LIMK2: variants seen among roughly 807,000 people sequenced by gnomAD.
The protein encoded by LIMK2 is LIM domain kinase 2.
In LIMK2, 35 loss-of-function variants were observed where a neutral mutation model predicts 75.7. That is an observed-to-expected ratio of 0.46 (90% CI 0.35 to 0.61). LIMK2 has a LOEUF of 0.61. LIMK2 is among the 20% of genes least tolerant of loss of function. LIMK2 has a pLI of 0.00. For missense variants in LIMK2, 623 were observed against 831.0 expected, an observed-to-expected ratio of 0.75 and a Z score of 3.08; for synonymous variants, 301 against 319.2, an observed-to-expected ratio of 0.94 and a Z score of 0.61.
chr22:31,224,389 T>C (rs1297950610), intron 1 of LIMK2, among the ~76,000 whole-genome samples: 1 of 152,174 alleles, frequency 6.6e-6, no homozygotes, highest in Non-Finnish European at 1.5e-5. Context: ...ACAAAGACTT[T>C]CCTGGTTCCC....
chr22:31,214,781 A>G (rs2048376425), intron 1 of LIMK2, among the ~76,000 whole-genome samples: 1 of 152,028 alleles, frequency 6.6e-6, no homozygotes, highest in African/African-American at 2.4e-5. Flanking sequence ...TGGGAGGTCA[A>G]TATGGTTTTT....
At chr22:31,234,341 CA>C (rs1049235510) in intron 2 of LIMK2, among the ~76,000 whole-genome samples, 1 of 139,896 alleles carries the variant, frequency 7.1e-6, no homozygotes, top group Non-Finnish European at 1.5e-5. Context: ...AAAAAAAAAA[CA>C]AAAAAAAACT....
chr22:31,237,427 G>A (rs2048588556), intron 2 of LIMK2, among the ~76,000 whole-genome samples: 1 of 151,812 alleles, frequency 6.6e-6, no homozygotes, highest in Non-Finnish European at 1.5e-5. Context: ...AGCCAGGCAC[G>A]ATGGCAGGCA....
At chr22:31,217,608 T>C (rs1408849471) in intron 1 of LIMK2, among the ~76,000 whole-genome samples, 1 of 152,236 alleles carries the variant, frequency 6.6e-6, no homozygotes, top group Non-Finnish European at 1.5e-5. Context: ...GTAGTTTTTT[T>C]CCTCTATCAT....
Position 31,212,344 on chromosome 22 carries a change from TA to T in LIMK2, c.-64del. ...CGGCGGCAGGAGCTGAGGGGAGTTGTAGGGAACTGAGGGGAGCTGCTGTGTC... is the reference window on the plus strand; with the variant it reads ...CGGCGGCAGGAGCTGAGGGGAGTTGTGGGAACTGAGGGGAGCTGCTGTGTC... On this transcript the variant is annotated 5_prime_UTR_variant, in exon 1 of 16. Transcript: ENST00000331728. 3 of 1,317,030 alleles carry T rather than the reference TA, an allele frequency of 2.3e-6. No homozygotes were observed. The highest frequency in any genetic ancestry group is 2.9e-6 in the Non-Finnish European group (3 of 1,023,984). 81.6% of individuals were successfully genotyped at this position (1,317,030 alleles called of 1,614,324 possible).
chr22:31,215,278 T>G (rs1226234908), intron 1 of LIMK2, among the ~76,000 whole-genome samples: 1 of 152,244 alleles, frequency 6.6e-6, no homozygotes, highest in Non-Finnish European at 1.5e-5. Flanking sequence ...GGACTTAAAC[T>G]TTCACTTGTT....
At chr22:31,213,505 G>C (rs533988407) in intron 1 of LIMK2, among the ~76,000 whole-genome samples, 1 of 152,332 alleles carries the variant, frequency 6.6e-6, no homozygotes, top group South Asian at 2.1e-4. Context: ...TTGAATGCAA[G>C]GACTGGGCTA....
chr22:31,228,021 C>T lies in LIMK2; in HGVS notation c.116+2202C>T, dbSNP rs200270260. 1.1e-4 allele frequency among the ~76,000 whole-genome samples: 16 copies of T among 147,632 alleles called. No homozygotes were observed. The South Asian group carries it at 1.9e-3, about 18-fold the overall frequency. The stretch of plus-strand genomic sequence containing the variant: ...TGCTAGCTTGTTAGCTCTGTGCGTG[C>T]GTGTGTGTGTGTGTGTGTGTGTGTG... On this transcript the variant is annotated intron_variant, in intron 2 of 15. Coordinates refer to ENST00000331728, the MANE Select transcript of LIMK2 (RefSeq NM_005569.4).
chr22:31,273,626 G>C, intron 14 of LIMK2, 119 bp downstream of exon 14: 1 of 775,460 alleles, frequency 1.3e-6, no homozygotes, highest in Admixed American at 2.0e-5. Context: ...CATGGGTGTA[G>C]GGTTTTATGG....
intron 2 of LIMK2, among the ~76,000 whole-genome samples, chr22:31,240,482 G>A (rs1308583614): frequency 2.0e-5 from 3 of 150,078 alleles, no homozygotes; most frequent in African/African-American, 7.4e-5. Context: ...GGAGTGCAGT[G>A]GCACAATCTC....
chr22:31,276,823 T>A (rs1280790575), intron 15 of LIMK2: 1 of 1,611,412 alleles, frequency 6.2e-7, no homozygotes, highest in East Asian at 2.2e-5. Context: ...GGGCCCGGGC[T>A]GCGCGGATGA....
chr22:31,267,845 A>T lies in LIMK2; in HGVS notation c.1198A>T (p.Lys400Ter). The T allele has an allele frequency of 6.2e-7, 1 of 1,613,512 alleles. No individual in the cohort carries two copies. Among genetic ancestry groups the T allele is most frequent in the Non-Finnish European group, 8.5e-7 (1 of 1,179,754 alleles). Residue 400 changes from lysine (K) to a stop codon, truncating the protein, a stop_gained, in exon 10 of 16, where the codon AAG (lysine) becomes TAG (stop). Transcript: ENST00000331728. LOFTEE classifies it high-confidence loss of function. ...KFIGVLYKDK[K>*]LNLLTEYIEG... Reference sequence around the variant, plus strand: ...CATTGGTGTGCTGTACAAGGATAAGAAGCTGAACCTCCTGACAGAGTACAT... The same window carrying T: ...CATTGGTGTGCTGTACAAGGATAAGTAGCTGAACCTCCTGACAGAGTACAT...
chr22:31,241,705 G>A (rs1282648873), intron 2 of LIMK2, among the ~76,000 whole-genome samples: 1 of 152,186 alleles, frequency 6.6e-6, no homozygotes, highest in Non-Finnish European at 1.5e-5. Context: ...CATACCAGGT[G>A]TCCACAGATG....
chr22:31,219,866 C>G (rs2048419882), intron 1 of LIMK2, among the ~76,000 whole-genome samples: 1 of 152,188 alleles, frequency 6.6e-6, no homozygotes, highest in African/African-American at 2.4e-5. Context: ...GCCACCACGC[C>G]CGGCTCTTTT....
Position 31,278,574 on chromosome 22 carries a change from C to T in LIMK2, c.*133C>T, listed in dbSNP as rs769698706. On this transcript the variant is annotated 3_prime_UTR_variant, in exon 16 of 16. Coordinates refer to ENST00000331728, the MANE Select transcript of LIMK2 (RefSeq NM_005569.4). ...TGTTTAGAAGCAGAACAAGCCATTC[C>T]TATTACCTCCCCAGGAGGCAAGTGG... is the stretch of plus-strand genomic sequence containing the variant. The T allele has an allele frequency of 4.5e-5, 42 of 938,124 alleles. No homozygotes were observed. Among genetic ancestry groups the T allele is most frequent in the Non-Finnish European group, 5.8e-5 (38 of 660,446 alleles). 58.1% of individuals were successfully genotyped at this position (938,124 alleles called of 1,614,324 possible).
At chr22:31,270,723 A>G (rs2048948032) in intron 11 of LIMK2, among the ~76,000 whole-genome samples, 1 of 152,264 alleles carries the variant, frequency 6.6e-6, no homozygotes, top group Non-Finnish European at 1.5e-5. Context: ...TCTCTGTTGC[A>G]GGCAGGAAGG....
chr22:31,242,444 G>A (rs1403809131), intron 2 of LIMK2, among the ~76,000 whole-genome samples: 2 of 152,156 alleles, frequency 1.3e-5, no homozygotes, highest in Non-Finnish European at 2.9e-5. Flanking sequence ...TAGTAGATAT[G>A]GAACATTACA....
intron 7 of LIMK2, among the ~76,000 whole-genome samples, chr22:31,263,428 TA>T (rs2048860576): frequency 6.6e-6 from 1 of 152,174 alleles, no homozygotes; most frequent in Non-Finnish European, 1.5e-5. Flanking sequence ...GATGGTAAGA[TA>T]AAGGTGGCTG....
At chr22:31,250,272 C>T (rs1419326022) in intron 2 of LIMK2, among the ~76,000 whole-genome samples, 1 of 152,128 alleles carries the variant, frequency 6.6e-6, no homozygotes, top group African/African-American at 2.4e-5. Flanking sequence ...TTCTCTTAAT[C>T]CTGGGAAGGC....
Sources: gnomAD v4.1 joint callset for allele counts (sites outside exome capture counted in the v4.1 genomes callset) on GRCh38, gnomAD v4.1.1 for gene constraint, MANE v1.5 for transcripts, NCBI Gene and HGNC (gene_info 2026-07-23, HGNC 2026-07-21) for gene names.